Variants in ATIC observed in about 807,000 individuals in gnomAD.
ATIC encodes bifunctional purine biosynthesis protein ATIC.
Under a neutral mutation model 72.5 loss-of-function variants are expected in ATIC, and 64 were observed. The ratio of observed to expected loss-of-function variants is 0.88; its 90% CI spans 0.72 to 1.09. The LOEUF (loss-of-function observed/expected upper bound fraction) is 1.09. Ranked by LOEUF, ATIC falls within the 50% of genes least tolerant of loss-of-function variation. The pLI is 0.00. For missense variants in ATIC, 787 were observed against 732.4 expected, an observed-to-expected ratio of 1.07 and a Z score of -0.86; for synonymous variants, 281 against 267.1, an observed-to-expected ratio of 1.05 and a Z score of -0.51.
rs748753649 is a variant in ATIC, at chr2:215,318,174, C to T, written c.164C>T (p.Thr55Met). The change falls in exon 3 of 16, where the codon ACG (threonine) becomes ATG (methionine). Residue 55 changes from threonine to methionine, a missense_variant. Thr to Met is a moderately conservative substitution (Grantham distance 81). Transcript: ENST00000236959. ...TTTTTCAGAGATGTCTCTGAGTTGA[C>T]GGGATTTCCTGAAATGTTGGGGGGA... ...GLAVRDVSEL[T>M]GFPEMLGGRV... is the part of the protein sequence containing the mutation. The T allele has an allele frequency of 2.6e-5, 42 of 1,613,986 alleles. No homozygotes were observed. Among genetic ancestry groups the T allele is most frequent in the East Asian group, 1.6e-4 (7 of 44,860 alleles).
intron 10 of ATIC, among the ~76,000 whole-genome samples, chr2:215,335,513 G>A (rs1325704750): frequency 2.6e-5 from 4 of 152,164 alleles, no homozygotes; most frequent in African/African-American, 9.7e-5. Flanking sequence ...GAAGGCTGAA[G>A]GAGCATGTGG....
the ATIC span, chr2:215,362,073 G>A: frequency 1.9e-6 from 3 of 1,613,092 alleles, no homozygotes; most frequent in Non-Finnish European, 2.5e-6. Flanking sequence ...TTGTCACAGC[G>A]CCAGCCCTGA....
At chr2:215,360,017 C>A in the ATIC span, among the ~76,000 whole-genome samples, 1 of 152,162 alleles carries the variant, frequency 6.6e-6, no homozygotes, top group Non-Finnish European at 1.5e-5. Flanking sequence ...CAGCTCACTG[C>A]AACCTCCGCC....
intron 8 of ATIC, 141 bp from the exon 9 acceptor site, chr2:215,333,209 A>T (rs2106019618): frequency 1.4e-6 from 1 of 722,960 alleles, no homozygotes; most frequent in Non-Finnish European, 2.5e-6. Flanking sequence ...TTATCTGGCT[A>T]AATAGATTTC....
the ATIC span, chr2:215,365,127 C>T: frequency 0.23 from 167,169 of 714,160 alleles, 23,461 homozygotes; most frequent in Non-Finnish European, 0.3. Flanking sequence ...TCCCTAAGAG[C>T]AGTACTGCTA....
chr2:215,312,730 C>T lies in ATIC; in HGVS notation c.146+106C>T, dbSNP rs2052667737. 13 of 1,520,846 alleles carry T rather than the reference C, an allele frequency of 8.5e-6. No homozygotes were observed. In the East Asian group the frequency reaches 1.4e-4, roughly 16 times the overall value. The allele number at this position is 1,520,846 out of a possible 1,614,324, so 94.2% of individuals were successfully genotyped here. The stretch of plus-strand genomic sequence containing the variant: ...ACGCCTTATTTACTCCTCCCAGTAG[C>T]GCTGTGAGGTTGGTGTAATACTTCC... On this transcript the variant is annotated intron_variant, in intron 2 of 15. Transcript: ENST00000236959.
intron 13 of ATIC, 45 bp downstream of exon 13, chr2:215,344,916 G>T (rs769759950): frequency 6.4e-7 from 1 of 1,555,820 alleles, no homozygotes; most frequent in Non-Finnish European, 8.9e-7. Context: ...GTTGTTTTAC[G>T]AAATGATATT....
In ATIC at chr2:215,327,825, A is replaced by G. The variant is rs1474155689; in HGVS notation, c.688+847A>G. On this transcript the variant is annotated intron_variant, in intron 7 of 15. Coordinates refer to ENST00000236959, the MANE Select transcript of ATIC (RefSeq NM_004044.7). Reference sequence around the variant, plus strand: ...CGATGGGGGAGGGGAGCAGCGTGCCAGGTGGGAGGAGAATCTGAAAGTTTC... The same window carrying G: ...CGATGGGGGAGGGGAGCAGCGTGCCGGGTGGGAGGAGAATCTGAAAGTTTC... Among the ~76,000 whole-genome samples the G allele has an allele frequency of 3.3e-5, 5 of 151,544 alleles. No homozygotes were observed. The East Asian group carries it at 7.8e-4, about 24-fold the overall frequency.
intron 12 of ATIC, among the ~76,000 whole-genome samples, chr2:215,340,054 A>T (rs1379741869): frequency 1.3e-5 from 2 of 152,166 alleles, no homozygotes; most frequent in Non-Finnish European, 2.9e-5. Context: ...CAGTGGTGCG[A>T]TCATAGCTCA....
At chr2:215,312,288 C>A in intron 1 of ATIC, 127 bp downstream of exon 1, 2 of 1,441,458 alleles carry the variant, frequency 1.4e-6, no homozygotes, top group Non-Finnish European at 1.8e-6. Flanking sequence ...CCAGCGTCCC[C>A]GCTCCCCGGC....
chr2:215,332,177 C>T (rs550464640), intron 7 of ATIC, among the ~76,000 whole-genome samples: 35 of 115,608 alleles, frequency 3.0e-4, no homozygotes, highest in African/African-American at 1.1e-3. Context: ...TGTGTGTGTT[C>T]ATGTACATGT....
chr2:215,350,663 T>C (rs1008243390), downstream of ATIC, among the ~76,000 whole-genome samples: 1 of 152,156 alleles, frequency 6.6e-6, no homozygotes, highest in Admixed American at 6.5e-5. Flanking sequence ...ATGTAGTCAA[T>C]ATTTGGTGCT....
chr2:215,340,187 C>A (rs1198282778), intron 12 of ATIC, among the ~76,000 whole-genome samples: 1 of 152,078 alleles, frequency 6.6e-6, no homozygotes, highest in East Asian at 1.9e-4. Flanking sequence ...AGGACACGTT[C>A]CTAGGATAAT....
At chr2:215,321,449 A>T (rs1460421896) in intron 4 of ATIC, among the ~76,000 whole-genome samples, 1 of 152,228 alleles carries the variant, frequency 6.6e-6, no homozygotes, top group Non-Finnish European at 1.5e-5. Context: ...ATATTTGTGT[A>T]TAAGTTTTTG....
At chr2:215,361,653 A>C in the ATIC span, 31 of 1,540,374 alleles carry the variant, frequency 2.0e-5, no homozygotes, top group Non-Finnish European at 2.8e-5. Flanking sequence ...AGGAAAAAAA[A>C]ATTAGTGGCA....
At chr2:215,312,446 G>A in intron 1 of ATIC, 52 bp from the exon 2 acceptor site, 1 of 1,614,050 alleles carries the variant, frequency 6.2e-7, no homozygotes. Context: ...AGGCCTTGCA[G>A]AACACAGTGC....
intron 14 of ATIC, chr2:215,347,147 C>T: frequency 1.5e-6 from 1 of 660,932 alleles, no homozygotes; most frequent in Non-Finnish European, 2.5e-6. Context: ...TGACCCCTTT[C>T]TGAAACCACA....
At chr2:215,347,182 C>G (rs2106043655) in intron 14 of ATIC, 1 of 525,978 alleles carries the variant, frequency 1.9e-6, no homozygotes, top group South Asian at 2.0e-5. Context: ...TAAATTGCAG[C>G]CTTGGTGTAG....
In ATIC at chr2:215,312,526, C is replaced by A. The variant is rs370774767; in HGVS notation, c.48C>A (p.Gly16=). The A allele has an allele frequency of 1.9e-6, 3 of 1,614,072 alleles. No homozygotes were observed. The highest frequency in any genetic ancestry group is 2.5e-6 in the Non-Finnish European group (3 of 1,180,038). Residue 16 remains glycine, a synonymous_variant, in exon 2 of 16, where the codon GGC becomes GGA. Coordinates refer to ENST00000236959, the MANE Select transcript of ATIC (RefSeq NM_004044.7). ...LALFSVSDKT[G]LVEFARNLTA... is the part of the protein sequence containing the mutation. ...TATTTAGTGTCTCTGACAAAACCGG[C>A]CTTGTGGAATTTGCAAGAAACCTGA...
Sources: gnomAD v4.1 joint callset for allele counts (sites outside exome capture counted in the v4.1 genomes callset) on GRCh38, gnomAD v4.1.1 for gene constraint, MANE v1.5 for transcripts, NCBI Gene and HGNC (gene_info 2026-07-23, HGNC 2026-07-21) for gene names.